The following RELN variants were observed in gnomAD, a reference collection of about 807,000 sequenced individuals.
RELN encodes reelin.
In RELN, 108 loss-of-function variants were observed where a neutral mutation model predicts 427.6. That is an observed-to-expected ratio of 0.25 (90% CI 0.22 to 0.30). RELN has a LOEUF of 0.30. Among genes scored for constraint, RELN ranks in the 10% least tolerant of loss-of-function variants. The pLI is 1.00. For missense variants in RELN, 3,715 were observed against 4,302.8 expected, an observed-to-expected ratio of 0.86 and a Z score of 3.82; for synonymous variants, 1,524 against 1,513.4, an observed-to-expected ratio of 1.01 and a Z score of -0.16.
intron 3 of RELN, among the ~76,000 whole-genome samples, chr7:103,793,797 T>C (rs892234277): frequency 5.3e-5 from 8 of 152,288 alleles, no homozygotes; most frequent in Admixed American, 3.9e-4. Context: ...GGCAGACTCT[T>C]GCTTTGTCAC....
At chr7:103,750,332 T>C (rs912091443) in intron 5 of RELN, among the ~76,000 whole-genome samples, 5 of 152,228 alleles carry the variant, frequency 3.3e-5, no homozygotes, top group African/African-American at 1.2e-4. Context: ...CACTTCTTGC[T>C]GCCACCATGT....
Position 103,850,522 on chromosome 7 carries a change from G to A in RELN, c.338-16850C>T, listed in dbSNP as rs114102129. Among the ~76,000 whole-genome samples the A allele has an allele frequency of 2.8e-3, 431 of 152,274 alleles. 1 individual carries two copies. Among genetic ancestry groups the A allele is most frequent in the African/African-American group, 9.6e-3 (400 of 41,550 alleles). ...CATCGAGAGGGTAGCCAGAGGAGCA[G>A]AAGGTAAAACTCCACAGGGAGAAGG... On this transcript the variant is annotated intron_variant, in intron 2 of 64. Coordinates refer to ENST00000428762, the MANE Select transcript of RELN (RefSeq NM_005045.4).
intron 1 of RELN, among the ~76,000 whole-genome samples, chr7:103,947,480 T>C (rs1796244122): frequency 6.6e-6 from 1 of 152,106 alleles, no homozygotes; most frequent in Non-Finnish European, 1.5e-5. Context: ...GAATGCAATA[T>C]GAAGAAACAT....
intron 2 of RELN, among the ~76,000 whole-genome samples, chr7:103,843,304 A>G (rs1008780607): frequency 3.3e-5 from 5 of 152,148 alleles, no homozygotes; most frequent in African/African-American, 1.2e-4. Context: ...TTCCAGGCTC[A>G]AGCAATCCTC....
chr7:103,636,873 A>AATAATTTTTTCTAAGAAC (rs1389124237), intron 17 of RELN, among the ~76,000 whole-genome samples: 1 of 152,226 alleles, frequency 6.6e-6, no homozygotes, highest in Non-Finnish European at 1.5e-5. Flanking sequence ...TCTAAGAACA[A>AATAATTTTTTCTAAGAAC]ATGTTAAAAT....
intron 12 of RELN, among the ~76,000 whole-genome samples, chr7:103,657,209 T>C (rs1317374513): frequency 6.6e-6 from 1 of 152,098 alleles, no homozygotes; most frequent in African/African-American, 2.4e-5. Context: ...GAGAAAAATC[T>C]TATGATTTTG....
intron 2 of RELN, among the ~76,000 whole-genome samples, chr7:103,871,313 T>C (rs1794328892): frequency 6.6e-6 from 1 of 152,134 alleles, no homozygotes; most frequent in Non-Finnish European, 1.5e-5. Context: ...TGTAATTATT[T>C]TTATATTGTA....
intron 46 of RELN, among the ~76,000 whole-genome samples, chr7:103,529,051 G>A (rs11761919): frequency 0.56 from 85,439 of 151,238 alleles, 26,363 homozygotes; most frequent in Non-Finnish European, 0.69. Context: ...CAGGAGAATC[G>A]CTTGAACCTG....
intron 17 of RELN, among the ~76,000 whole-genome samples, chr7:103,639,139 T>C (rs568564445): frequency 2.6e-5 from 4 of 152,306 alleles, no homozygotes; most frequent in African/African-American, 9.6e-5. Flanking sequence ...TATCAGCCAA[T>C]GTTTCATAGA....
At chr7:103,596,418 C>T (rs913429217) in intron 25 of RELN, 38 bp downstream of exon 25, 8 of 1,539,560 alleles carry the variant, frequency 5.2e-6, no homozygotes, top group Admixed American at 1.7e-5. Flanking sequence ...TTTACCATTC[C>T]TGGAAACTAA....
At chr7:103,666,591 C>G (rs879764605) in intron 11 of RELN, among the ~76,000 whole-genome samples, 9 of 152,212 alleles carry the variant, frequency 5.9e-5, no homozygotes, top group Middle Eastern at 3.4e-3. Context: ...GTTGTGAGCT[C>G]AACTTTAGTG....
At chr7:103,711,897 G>C (rs979082018) in intron 8 of RELN, among the ~76,000 whole-genome samples, 1 of 152,064 alleles carries the variant, frequency 6.6e-6, no homozygotes, top group Admixed American at 6.6e-5. Context: ...GGGCTCAAGT[G>C]ATCCACCTGC....
intron 2 of RELN, among the ~76,000 whole-genome samples, chr7:103,852,013 A>G (rs1347377616): frequency 6.6e-6 from 1 of 152,182 alleles, no homozygotes; most frequent in African/African-American, 2.4e-5. Context: ...AAGGACTACT[A>G]TGTAAGATTG....
chr7:103,938,872 G>A (rs926253310), intron 1 of RELN, among the ~76,000 whole-genome samples: 5 of 151,928 alleles, frequency 3.3e-5, no homozygotes, highest in Non-Finnish European at 5.9e-5. Context: ...TGATCATGAA[G>A]GGAAAACTTA....
intron 40 of RELN, among the ~76,000 whole-genome samples, chr7:103,552,871 A>G (rs1275907261): frequency 2.0e-5 from 3 of 152,158 alleles, no homozygotes; most frequent in African/African-American, 4.8e-5. Context: ...CTGAAAAGTT[A>G]ATATTCTAAA....
At chr7:103,855,777 C>G (rs1793931041) in intron 2 of RELN, among the ~76,000 whole-genome samples, 1 of 152,156 alleles carries the variant, frequency 6.6e-6, no homozygotes, top group Non-Finnish European at 1.5e-5. Context: ...CATTCCTGAG[C>G]TTCTCCATCT....
intron 8 of RELN, among the ~76,000 whole-genome samples, chr7:103,718,492 A>G (rs1448998458): frequency 6.6e-6 from 1 of 152,140 alleles, no homozygotes; most frequent in Non-Finnish European, 1.5e-5. Context: ...AAACACTTGC[A>G]TATGTATTTC....
At chr7:103,958,566 C>A (rs989473159) in intron 1 of RELN, among the ~76,000 whole-genome samples, 7 of 152,108 alleles carry the variant, frequency 4.6e-5, no homozygotes, top group Non-Finnish European at 7.4e-5. Flanking sequence ...GTGTGTTTCT[C>A]ATTTCAGTGA....
intron 3 of RELN, among the ~76,000 whole-genome samples, chr7:103,813,967 C>A (rs1005948138): frequency 2.0e-5 from 3 of 152,144 alleles, no homozygotes; most frequent in African/African-American, 7.2e-5. Flanking sequence ...ATGGACCCCA[C>A]ATGACGGTAT....
Sources: gnomAD v4.1 joint callset for allele counts (sites outside exome capture counted in the v4.1 genomes callset) on GRCh38, gnomAD v4.1.1 for gene constraint, MANE v1.5 for transcripts, NCBI Gene and HGNC (gene_info 2026-07-23, HGNC 2026-07-21) for gene names.